Variants in ARHGAP4 observed in about 807,000 individuals in gnomAD.
ARHGAP4 encodes the protein Rho GTPase activating protein 4, also known as rho GTPase-activating protein 4.
In ARHGAP4, 25 loss-of-function variants were observed where a neutral mutation model predicts 67.6. The ratio of observed to expected loss-of-function variants is 0.37; its 90% CI spans 0.27 to 0.52. The LOEUF is 0.52. ARHGAP4 is among the 20% of genes least tolerant of loss of function. ARHGAP4 has a pLI of 0.92. For missense variants in ARHGAP4, 804 were observed against 854.6 expected (o/e 0.94, Z 0.74); for synonymous variants, 448 against 373.7 (o/e 1.20, Z -2.29).
Position 153,910,371 on chromosome X carries a change from G to A in ARHGAP4, c.1956C>T (p.Asp652=), listed in dbSNP as rs782751947. Residue 652 remains aspartate, a synonymous_variant, in exon 17 of 22, where the codon GAC becomes GAT. Coordinates refer to ENST00000350060, the MANE Select transcript of ARHGAP4 (RefSeq NM_001666.5). ...LAQYSDENMM[D]PYNLAVCFGP... ...CGAAGCACACGGCCAGGTTGTAGGG[G>A]TCCATCATGTTCTCATCGCTGTACT... is the stretch of plus-strand genomic sequence containing the variant. 5 of 1,202,920 alleles carry A rather than the reference G, an allele frequency of 4.2e-6. No individual in the cohort carries two copies. The highest frequency in any genetic ancestry group is 5.6e-6 in the Non-Finnish European group (5 of 890,730).
At chrX:153,925,136 C>T (rs1329497004) in intron 1 of ARHGAP4, among the ~76,000 whole-genome samples, 2 of 112,132 alleles carry the variant, frequency 1.8e-5, no homozygotes, top group South Asian at 3.7e-4. Context: ...AAGATGATGG[C>T]GAGGCTTGGA....
At position 153,910,790 on chromosome X, in the gene ARHGAP4, A is replaced by T. The variant is rs782158968; in HGVS notation, c.1726T>A (p.Ser576Thr). Residue 576 changes from serine to threonine, a missense_variant, in exon 15 of 22, where the codon TCG becomes ACG. This residue lies in a region of ARHGAP4 where 400 missense variants were observed against 348.7 expected (regional missense o/e 1.15). Transcript: ENST00000350060. Reference sequence around the variant, plus strand: ...TAGAGCTTCAGCACCCCGGCCACCGAGTCCAGGTCATGGGCAGTGCAGCCC... The same window carrying T: ...TAGAGCTTCAGCACCCCGGCCACCGTGTCCAGGTCATGGGCAGTGCAGCCC... ...VEGCTAHDLD[S>T]VAGVLKLYFR... is the part of the protein sequence containing the mutation. The T allele has an allele frequency of 1.7e-6, 2 of 1,191,005 alleles. No homozygotes were observed. The highest frequency in any genetic ancestry group is 2.3e-6 in the Non-Finnish European group (2 of 884,644).
rs782491790 is a variant in ARHGAP4 at position 153,910,415 on chromosome X, A to G, written c.1923-11T>C. 4 of 1,189,506 alleles carry G rather than the reference A, an allele frequency of 3.4e-6. No individual in the cohort carries two copies. Among genetic ancestry groups the G allele is most frequent in the Non-Finnish European group, 4.5e-6 (4 of 882,538 alleles). On this transcript the variant is annotated splice_polypyrimidine_tract_variant and intron_variant, in intron 16 of 21. Transcript: ENST00000350060. ...CTGTACTGGGCCAGGCTGGGGGGAC[A>G]CGCACATCACAAGCAGAGAGCCCGC...
intron 12 of ARHGAP4, among the ~76,000 whole-genome samples, chrX:153,911,635 G>A (rs1329336171): frequency 8.9e-6 from 1 of 112,200 alleles, no homozygotes; most frequent in Non-Finnish European, 1.9e-5. Flanking sequence ...ACTCAAGCTG[G>A]GTGTGGTGGC....
chrX:153,912,932 T>C, intron 11 of ARHGAP4, 92 bp downstream of exon 11: 1 of 1,133,157 alleles, frequency 8.8e-7, no homozygotes, highest in East Asian at 3.0e-5. Flanking sequence ...ACTGGGGAAG[T>C]GAGGCCCAGG....
At chrX:153,919,416 T>G (rs1248330566) in intron 5 of ARHGAP4, 133 bp from the exon 6 acceptor site, 1 of 1,150,835 alleles carries the variant, frequency 8.7e-7, no homozygotes, top group Non-Finnish European at 1.2e-6. Context: ...CCAGAAGTCC[T>G]GCTGCCTTCC....
chrX:153,915,834 A>G (rs1237148074), intron 7 of ARHGAP4, among the ~76,000 whole-genome samples: 1 of 111,901 alleles, frequency 8.9e-6, no homozygotes, highest in Non-Finnish European at 1.9e-5. Flanking sequence ...TTGAAATTTT[A>G]TCCCTCCTCT....
intron 7 of ARHGAP4, 102 bp downstream of exon 7, chrX:153,918,730 G>C (rs782193487): frequency 2.2e-6 from 2 of 889,808 alleles, no homozygotes; most frequent in South Asian, 2.3e-5. Context: ...TGAGACCATG[G>C]AGAACTTGGA....
At position 153,921,793 on chromosome X, in the gene ARHGAP4, C is replaced by G. The variant is rs782596227; in HGVS notation, c.84G>C (p.Leu28=). The change falls in exon 2 of 22, where the codon CTG becomes CTC. Residue 28 remains leucine, a synonymous_variant. Coordinates refer to ENST00000350060, the MANE Select transcript of ARHGAP4 (RefSeq NM_001666.5). ...GCTCCAGGCAGCGCAGCTGCTCGCTCAGCTGCCAGCGCATCTCTGTGGGGG... is the reference window on the plus strand; with the variant it reads ...GCTCCAGGCAGCGCAGCTGCTCGCTGAGCTGCCAGCGCATCTCTGTGGGGG... ...ETQVKEMRWQ[L]SEQLRCLELQ... is the part of the protein sequence containing the mutation. 1.7e-6 allele frequency: 2 copies of G among 1,188,899 alleles called. No individual in the cohort carries two copies. The highest frequency in any genetic ancestry group is 2.3e-5 in the Admixed American group (1 of 43,661).
rs7890729 is a variant in ARHGAP4 at position 153,908,986 on chromosome X, C to T, written c.2607+84G>A. 931 of 1,021,979 alleles carry T rather than the reference C, an allele frequency of 9.1e-4. 6 individuals are homozygous for T. The African/African-American group carries it at 0.015, about 16-fold the overall frequency. The allele number at this position is 1,021,979 out of a possible 1,213,427, so 84.2% of individuals were successfully genotyped here. A position where few individuals can be genotyped will look rare whatever the true frequency, so the allele number is the denominator to read the frequency against. On this transcript the variant is annotated intron_variant, in intron 21 of 21. Coordinates refer to ENST00000350060, the MANE Select transcript of ARHGAP4 (RefSeq NM_001666.5). ...CCAGGGAGGGCAACGACTGGAACCT[C>T]GAGGAGGGAGGAGTTTGGCTTCCAA...
At chrX:153,915,041 TCA>T (rs2148522458) in intron 7 of ARHGAP4, among the ~76,000 whole-genome samples, 1 of 112,432 alleles carries the variant, frequency 8.9e-6, no homozygotes, top group South Asian at 3.7e-4. Context: ...AAGGCGCAAG[TCA>T]CAGAGTAGAA....
Position 153,912,738 on chromosome X carries a change from G to A in ARHGAP4, c.1504C>T (p.Gln502Ter). The change falls in exon 12 of 22, where the codon CAG (glutamine) becomes TAG (stop). Residue 502 changes from glutamine to a stop codon, truncating the protein, a stop_gained. Coordinates refer to ENST00000350060, the MANE Select transcript of ARHGAP4 (RefSeq NM_001666.5). LOFTEE classifies it high-confidence loss of function. ...RQPRPSSQYNQRLFGGDMEKF... is the reference protein window; with the variant it reads ...RQPRPSSQYN ...TCCATGTCTCCCCCAAAGAGTCTCT[G>A]GTTATACTGGGAGCTGGGGCGGGGC... 1 of 1,211,627 alleles carries A rather than the reference G, an allele frequency of 8.3e-7. No individual in the cohort carries two copies. Among genetic ancestry groups the A allele is most frequent in the Non-Finnish European group, 1.1e-6 (1 of 895,185 alleles).
chrX:153,923,801 T>C (rs1356764532), intron 1 of ARHGAP4, among the ~76,000 whole-genome samples: 1 of 112,560 alleles, frequency 8.9e-6, no homozygotes, highest in African/African-American at 3.2e-5. Flanking sequence ...TTTTTTGTTT[T>C]GAGACGGAGG....
chrX:153,909,440 C>G lies in ARHGAP4; in HGVS notation c.2507+3G>C. 3 of 1,190,581 alleles carry G rather than the reference C, an allele frequency of 2.5e-6. No individual in the cohort carries two copies. The highest frequency in any genetic ancestry group is 3.4e-6 in the Non-Finnish European group (3 of 884,242). Reference sequence around the variant, plus strand: ...GCCCCCTGAGCCCCGTCTTCTTGCTCACCGGTGGACCAGCTCCGATGCCAG... The same window carrying G: ...GCCCCCTGAGCCCCGTCTTCTTGCTGACCGGTGGACCAGCTCCGATGCCAG... On this transcript the variant is annotated splice_donor_region_variant and intron_variant, in intron 20 of 21. Coordinates refer to ENST00000350060, the MANE Select transcript of ARHGAP4 (RefSeq NM_001666.5).
chrX:153,917,172 C>T (rs781896991), intron 7 of ARHGAP4, among the ~76,000 whole-genome samples: 4 of 110,658 alleles, frequency 3.6e-5, no homozygotes, highest in South Asian at 3.8e-4. Flanking sequence ...GCCGACATTG[C>T]GCCACTGCAC....
In ARHGAP4 at chrX:153,913,189, G is replaced by A. The variant is rs1189111786; in HGVS notation, c.1411+29C>T. Reference sequence around the variant, plus strand: ...TAGACAGGGTCCTGGGCAGGGGAGAGGCGGGGAAGGGGGCAGCACTGGGCC... The same window carrying A: ...TAGACAGGGTCCTGGGCAGGGGAGAAGCGGGGAAGGGGGCAGCACTGGGCC... On this transcript the variant is annotated intron_variant, in intron 10 of 21. Coordinates refer to ENST00000350060, the MANE Select transcript of ARHGAP4 (RefSeq NM_001666.5). The A allele has an allele frequency of 5.2e-6, 6 of 1,163,161 alleles. No individual in the cohort carries two copies. The African/African-American group carries it at 1.1e-4, about 21-fold the overall frequency.
At chrX:153,911,412 G>A (rs1391154567) in intron 12 of ARHGAP4, among the ~76,000 whole-genome samples, 2 of 110,001 alleles carry the variant, frequency 1.8e-5, no homozygotes, top group South Asian at 4.0e-4. Context: ...ATGAGCCACC[G>A]CACCAGGCTG....
chrX:153,921,251 G>T (rs1557105237), intron 3 of ARHGAP4, 92 bp from the exon 4 acceptor site: 2 of 1,175,490 alleles, frequency 1.7e-6, no homozygotes, highest in East Asian at 3.1e-5. Flanking sequence ...CATCGGGGGG[G>T]CACACAGGTT....
rs1557105033 is a variant in ARHGAP4, at chrX:153,920,632, C to T, written c.675G>A (p.Val225=). Residue 225 remains valine (V), a synonymous_variant, in exon 5 of 22, where the codon GTG becomes GTA. Transcript: ENST00000350060. ...AGGTGCCCTCCAGGCCCACCTTCTC[C>T]ACCAGCCTCCCTCCCTTCTTGAGGG... is the stretch of plus-strand genomic sequence containing the variant. ...KSSLKKGGRL[V]EKRQAKFMEH... 1 of 1,202,452 alleles carries T rather than the reference C, an allele frequency of 8.3e-7. No individual in the cohort carries two copies. Among genetic ancestry groups the T allele is most frequent in the South Asian group, 1.8e-5 (1 of 55,582 alleles).
Sources: allele counts gnomAD v4.1 joint callset (sites outside exome capture counted in the v4.1 genomes callset), GRCh38; gene constraint gnomAD v4.1.1; regional missense constraint gnomAD v4.1.1; transcripts MANE v1.5; gene names NCBI Gene and HGNC (gene_info 2026-07-23, HGNC 2026-07-21).